Variants in GABRB1 observed in about 807,000 individuals in gnomAD.
GABRB1 encodes gamma-aminobutyric acid type A receptor subunit beta1.
In GABRB1, 17 loss-of-function variants were observed where a neutral mutation model predicts 51.6. The observed-to-expected ratio is 0.33, with a 90% CI of 0.23 to 0.49. The LOEUF is 0.49. Ranked by LOEUF, GABRB1 falls within the 20% of genes least tolerant of loss-of-function variation. GABRB1 has a pLI of 0.99. For missense variants in GABRB1, 410 were observed against 600.6 expected, an observed-to-expected ratio of 0.68 and a Z score of 3.32; for synonymous variants, 247 against 218.9, an observed-to-expected ratio of 1.13 and a Z score of -1.14.
At chr4:47,021,083 C>T (rs1459980312) in intron 1 of GABRB1, among the ~76,000 whole-genome samples, 1 of 152,174 alleles carries the variant, frequency 6.6e-6, no homozygotes, top group African/African-American at 2.4e-5. Flanking sequence ...TCCTTAACCA[C>T]TCTTTCTACT....
At chr4:47,330,815 T>C (rs1286177687) in intron 5 of GABRB1, among the ~76,000 whole-genome samples, 1 of 152,046 alleles carries the variant, frequency 6.6e-6, no homozygotes, top group Non-Finnish European at 1.5e-5. Flanking sequence ...AATTAGAATA[T>C]AGAAAAAAAT....
intron 4 of GABRB1, among the ~76,000 whole-genome samples, chr4:47,313,729 AT>A (rs2109955782): frequency 6.6e-6 from 1 of 152,216 alleles, no homozygotes; most frequent in East Asian, 1.9e-4. Context: ...TCAACACTGT[AT>A]TACACAGATT....
At chr4:47,299,238 T>C (rs1159807558) in intron 4 of GABRB1, among the ~76,000 whole-genome samples, 1 of 152,008 alleles carries the variant, frequency 6.6e-6, no homozygotes, top group Admixed American at 6.6e-5. Context: ...AATTGACAAA[T>C]GGGATCTCAT....
At chr4:47,028,320 A>G (rs1412070468), upstream of GABRB1, among the ~76,000 whole-genome samples, 5 of 151,796 alleles carry the variant, frequency 3.3e-5, no homozygotes, top group African/African-American at 1.2e-4. Context: ...CCTTGAAATT[A>G]CAAACAATCC....
intron 3 of GABRB1, among the ~76,000 whole-genome samples, chr4:47,100,820 C>A (rs1478758008): frequency 6.6e-6 from 1 of 151,878 alleles, no homozygotes; most frequent in Non-Finnish European, 1.5e-5. Context: ...AGGAACCATA[C>A]AAGAGTTTAT....
At chr4:47,292,825 G>C (rs1430185416) in intron 4 of GABRB1, among the ~76,000 whole-genome samples, 1 of 152,196 alleles carries the variant, frequency 6.6e-6, no homozygotes, top group Non-Finnish European at 1.5e-5. Context: ...CAGAGGAAGT[G>C]AGAGAGGGAG....
At chr4:47,090,570 C>A (rs1458902608) in intron 3 of GABRB1, among the ~76,000 whole-genome samples, 1 of 152,194 alleles carries the variant, frequency 6.6e-6, no homozygotes, top group South Asian at 2.1e-4. Context: ...ATGCCCTCAC[C>A]GTGATTATCT....
chr4:47,026,442 A>G (rs1725098188), intron 1 of GABRB1, among the ~76,000 whole-genome samples: 1 of 152,102 alleles, frequency 6.6e-6, no homozygotes, highest in Non-Finnish European at 1.5e-5. Context: ...TCTACTAAAC[A>G]ACAACAGTAA....
At position 47,053,705 on chromosome 4, in the gene GABRB1, A is replaced by G. The variant is rs73813121; in HGVS notation, c.240+21221A>G. Among the ~76,000 whole-genome samples the G allele has an allele frequency of 7.4e-4, 113 of 152,300 alleles. 1 individual carries two copies. Among genetic ancestry groups the G allele is most frequent in the African/African-American group, 2.5e-3 (105 of 41,572 alleles). On this transcript the variant is annotated intron_variant, in intron 3 of 8. Transcript: ENST00000295454. ...ATGGGTGACAAAGTCCTTTTCAACT[A>G]TGGCATATCTAGAGAGTGACCGAGC... is the stretch of plus-strand genomic sequence containing the variant.
intron 4 of GABRB1, among the ~76,000 whole-genome samples, chr4:47,274,748 G>A (rs1723017653): frequency 6.6e-6 from 1 of 152,076 alleles, no homozygotes; most frequent in Admixed American, 6.6e-5. Context: ...CTTTTGATGG[G>A]GAGTTCTGAC....
chr4:47,379,926 T>C (rs568930299), intron 5 of GABRB1, among the ~76,000 whole-genome samples: 8 of 152,266 alleles, frequency 5.3e-5, no homozygotes, highest in Non-Finnish European at 1.2e-4. Context: ...GAGATAATAA[T>C]TTCTTCCCTA....
At chr4:47,067,003 C>T (rs138630179) in intron 3 of GABRB1, among the ~76,000 whole-genome samples, 5 of 152,250 alleles carry the variant, frequency 3.3e-5, no homozygotes, top group African/African-American at 1.2e-4. Context: ...CTCGAATGAA[C>T]GAATGAATGC....
In GABRB1 at chr4:47,123,830, ATATAT is replaced by A. The variant is rs1253755865; in HGVS notation, c.241-37408_241-37404del. ...CATATATTATATATTATATTATATT[ATATAT>A]TATATTATATATATTATATCATATA... On this transcript the variant is annotated intron_variant, in intron 3 of 8. Transcript: ENST00000295454. Among the ~76,000 whole-genome samples the A allele has an allele frequency of 7.0e-5, 6 of 85,950 alleles. 1 individual carries two copies. Among genetic ancestry groups the A allele is most frequent in the African/African-American group, 2.3e-4 (5 of 21,318 alleles). The allele number at this position is 85,950 out of a possible 152,430, so 56.4% of individuals were successfully genotyped here. A position where few individuals can be genotyped will look rare whatever the true frequency, so the allele number is the denominator to read the frequency against.
chr4:47,258,251 G>A (rs1004985433), intron 4 of GABRB1, among the ~76,000 whole-genome samples: 6 of 152,054 alleles, frequency 3.9e-5, no homozygotes, highest in Admixed American at 2.0e-4. Flanking sequence ...CAACTTTCCA[G>A]AACTGATTAG....
chr4:47,247,923 G>A (rs1277709943), intron 4 of GABRB1, among the ~76,000 whole-genome samples: 1 of 151,974 alleles, frequency 6.6e-6, no homozygotes, highest in South Asian at 2.1e-4. Context: ...GGAGTCTTTA[G>A]GGTTTTCAAG....
intron 4 of GABRB1, among the ~76,000 whole-genome samples, chr4:47,279,110 G>A (rs1189911918): frequency 2.0e-5 from 3 of 151,848 alleles, no homozygotes; most frequent in Non-Finnish European, 4.4e-5. Context: ...ATGGATGGAT[G>A]GATGGATGGA....
At chr4:47,194,791 T>TA (rs748184702) in intron 4 of GABRB1, among the ~76,000 whole-genome samples, 11 of 152,286 alleles carry the variant, frequency 7.2e-5, no homozygotes, top group Non-Finnish European at 1.0e-4. Flanking sequence ...CCATGTTTCT[T>TA]AAAAAAACAT....
At chr4:47,165,167 C>T (rs1262852222) in intron 4 of GABRB1, among the ~76,000 whole-genome samples, 1 of 152,056 alleles carries the variant, frequency 6.6e-6, no homozygotes, top group Non-Finnish European at 1.5e-5. Context: ...GTCTATGTCA[C>T]TTAAAATTCT....
intron 5 of GABRB1, among the ~76,000 whole-genome samples, chr4:47,336,685 G>T (rs1725708837): frequency 6.6e-6 from 1 of 152,208 alleles, no homozygotes; most frequent in Non-Finnish European, 1.5e-5. Flanking sequence ...AAATGTCCCT[G>T]ATAGTGCAAG....
Sources: allele counts gnomAD v4.1 joint callset (sites outside exome capture counted in the v4.1 genomes callset), GRCh38; gene constraint gnomAD v4.1.1; transcripts MANE v1.5; gene names NCBI Gene and HGNC (gene_info 2026-07-23, HGNC 2026-07-21).